PDE8A: variants seen among roughly 807,000 people sequenced by gnomAD.
PDE8A encodes the protein high affinity cAMP-specific and IBMX-insensitive 3',5'-cyclic phosphodiesterase 8A.
PDE8A carries 59 observed loss-of-function variants against 105.0 expected under a neutral mutation model. The observed-to-expected ratio is 0.56, with a 90% confidence interval of 0.46 to 0.70. PDE8A has a LOEUF of 0.70. Among genes scored for constraint, PDE8A ranks in the 30% least tolerant of loss-of-function variants. The pLI is 0.00. For missense variants in PDE8A, 1,014 were observed against 1,045.9 expected, an observed-to-expected ratio of 0.97 and a Z score of 0.42; for synonymous variants, 355 against 371.9, an observed-to-expected ratio of 0.95 and a Z score of 0.52.
intron 19 of PDE8A, among the ~76,000 whole-genome samples, chr15:85,124,439 C>T (rs2082228658): frequency 6.6e-6 from 1 of 152,150 alleles, no homozygotes; most frequent in South Asian, 2.1e-4. Flanking sequence ...TCTCTCCCAC[C>T]CTCCTCCCCA....
chr15:85,129,549 C>A (rs542137985), intron 20 of PDE8A, among the ~76,000 whole-genome samples: 92 of 152,082 alleles, frequency 6.0e-4, no homozygotes, highest in Non-Finnish European at 1.0e-3. Context: ...TTCTATGAAA[C>A]CTGGAGTAAT....
At chr15:85,028,077 C>CT (rs2080548194) in intron 1 of PDE8A, among the ~76,000 whole-genome samples, 1 of 152,172 alleles carries the variant, frequency 6.6e-6, no homozygotes, top group African/African-American at 2.4e-5. Context: ...ATAACTAAAT[C>CT]TTTTTTGTAA....
rs532198747 is a variant in PDE8A, at chr15:85,088,354, G to A, written c.636-984G>A. On this transcript the variant is annotated intron_variant, in intron 6 of 21. Transcript: ENST00000394553. Reference sequence around the variant, plus strand: ...CTACTTTCTGTCTCTGCAGATTTGCGTATTCTGGACATTTCATACACTGTG... The same window carrying A: ...CTACTTTCTGTCTCTGCAGATTTGCATATTCTGGACATTTCATACACTGTG... Among the ~76,000 whole-genome samples, 15 of 152,296 alleles carry A rather than the reference G, an allele frequency of 9.8e-5. No individual in the cohort carries two copies. In the South Asian group the frequency reaches 2.1e-3, roughly 21 times the overall value.
At chr15:84,985,252 C>G (rs1314244290) in intron 1 of PDE8A, among the ~76,000 whole-genome samples, 1 of 152,114 alleles carries the variant, frequency 6.6e-6, no homozygotes, top group Non-Finnish European at 1.5e-5. Flanking sequence ...CTTAATGATT[C>G]CAAAGGTACT....
chr15:85,136,784 C>G (rs1037219567), intron 21 of PDE8A, 121 bp downstream of exon 21: 2 of 958,438 alleles, frequency 2.1e-6, no homozygotes, highest in Non-Finnish European at 3.0e-6. Flanking sequence ...AGAACAAGAG[C>G]GAAGTGAACC....
intron 6 of PDE8A, among the ~76,000 whole-genome samples, chr15:85,084,075 C>A (rs16974820): frequency 0.23 from 34,356 of 150,744 alleles, 4,223 homozygotes; most frequent in African/African-American, 0.32. Context: ...TTTTAAGTGA[C>A]ATGAGTAGAG....
At chr15:85,121,619 G>A (rs373373094) in intron 18 of PDE8A, among the ~76,000 whole-genome samples, 5 of 149,628 alleles carry the variant, frequency 3.3e-5, no homozygotes, top group African/African-American at 7.3e-5. Context: ...ATACTAGAGC[G>A]AGACCCTGTC....
intron 1 of PDE8A, among the ~76,000 whole-genome samples, chr15:85,017,153 C>T (rs922596758): frequency 6.6e-5 from 10 of 150,632 alleles, no homozygotes; most frequent in East Asian, 5.9e-4. Context: ...CCCAGCTACT[C>T]GGGAGGCTGA....
chr15:85,109,580 A>G (rs533334171), intron 12 of PDE8A, among the ~76,000 whole-genome samples: 1 of 152,244 alleles, frequency 6.6e-6, no homozygotes, highest in Non-Finnish European at 1.5e-5. Context: ...TTTAAAAAGA[A>G]TATGTAAGTG....
intron 11 of PDE8A, among the ~76,000 whole-genome samples, chr15:85,104,469 T>C (rs1039422895): frequency 1.3e-5 from 2 of 151,972 alleles, no homozygotes; most frequent in African/African-American, 4.8e-5. Flanking sequence ...GGTCAGGTCT[T>C]AGGAAGACAG....
At chr15:85,062,612 T>C (rs1357138632) in intron 1 of PDE8A, 2 of 152,196 alleles carry the variant, frequency 1.3e-5, no homozygotes, top group African/African-American at 2.4e-5. Flanking sequence ...TCCCTGATAT[T>C]TGGAGGACAT....
chr15:85,036,327 T>A (rs1019881459), intron 1 of PDE8A, among the ~76,000 whole-genome samples: 2 of 152,202 alleles, frequency 1.3e-5, no homozygotes, highest in Admixed American at 1.3e-4. Flanking sequence ...AATGTGATGC[T>A]GTCTCAGAGG....
At chr15:85,025,232 C>A (rs1596453604) in intron 1 of PDE8A, among the ~76,000 whole-genome samples, 1 of 152,252 alleles carries the variant, frequency 6.6e-6, no homozygotes, top group East Asian at 1.9e-4. Flanking sequence ...ACCCTTACTC[C>A]CACTACCCCT....
chr15:85,011,835 C>G (rs1357459189), intron 1 of PDE8A, among the ~76,000 whole-genome samples: 12 of 151,936 alleles, frequency 7.9e-5, no homozygotes, highest in African/African-American at 2.9e-4. Flanking sequence ...ACAATGAACT[C>G]AAACAAATTT....
At chr15:85,117,576 G>A in intron 16 of PDE8A, 65 bp from the exon 17 acceptor site, 2 of 1,364,438 alleles carry the variant, frequency 1.5e-6, no homozygotes, top group Non-Finnish European at 2.1e-6. Context: ...AACCTATTCA[G>A]GCCTTAAACA....
intron 19 of PDE8A, 102 bp downstream of exon 19, chr15:85,123,295 C>T: frequency 4.8e-6 from 5 of 1,038,620 alleles, no homozygotes; most frequent in Non-Finnish European, 7.3e-6. Flanking sequence ...AGGGTTCCCT[C>T]AGTGAGTCTA....
chr15:85,096,605 C>T (rs2081757836), intron 8 of PDE8A, among the ~76,000 whole-genome samples: 1 of 152,174 alleles, frequency 6.6e-6, no homozygotes, highest in African/African-American at 2.4e-5. Flanking sequence ...CTAAGGTAGA[C>T]ATGCAAGTTG....
At chr15:84,999,121 C>CTT (rs35710429) in intron 1 of PDE8A, among the ~76,000 whole-genome samples, 55,143 of 131,298 alleles carry the variant, frequency 0.42, 12,810 homozygotes, top group South Asian at 0.57. Context: ...AGGTCACATT[C>CTT]TTTTTTTTTT....
At chr15:85,106,778 T>C (rs984404345) in intron 11 of PDE8A, among the ~76,000 whole-genome samples, 1 of 152,248 alleles carries the variant, frequency 6.6e-6, no homozygotes, top group African/African-American at 2.4e-5. Flanking sequence ...CAGGCCATCC[T>C]TACCTGCCCT....
Sources: gnomAD v4.1 joint callset for allele counts (sites outside exome capture counted in the v4.1 genomes callset) on GRCh38, gnomAD v4.1.1 for gene constraint, MANE v1.5 for transcripts, NCBI Gene and HGNC (gene_info 2026-07-23, HGNC 2026-07-21) for gene names.